Variants in RYR2 observed in about 807,000 individuals in gnomAD.
RYR2 encodes ryanodine receptor 2, also known as cardiac muscle ryanodine receptor-calcium release channel.
A neutral mutation model predicts 601.1 loss-of-function variants in RYR2; 227 were observed. The observed-to-expected ratio is 0.38, with a 90% CI of 0.34 to 0.42. The LOEUF is 0.42. RYR2 is among the 10% of genes least tolerant of loss of function. RYR2 has a pLI of 1.00. For synonymous variants in RYR2, 2,223 were observed against 2,175.1 expected, an observed-to-expected ratio of 1.02 and a Z score of -0.61; for missense variants, 4,646 against 6,156.5, an observed-to-expected ratio of 0.75 and a Z score of 8.21.
chr1:237,645,877 T>C (rs80121389), intron 48 of RYR2, among the ~76,000 whole-genome samples: 7,904 of 151,590 alleles, frequency 0.052, 703 homozygotes, highest in African/African-American at 0.18. Context: ...GCTTTTTTTT[T>C]TTTGCTTTTT....
intron 10 of RYR2, among the ~76,000 whole-genome samples, chr1:237,409,583 C>A (rs1411030599): frequency 6.6e-6 from 1 of 152,010 alleles, no homozygotes; most frequent in African/African-American, 2.4e-5. Context: ...TCTAGAAATA[C>A]CTGTTATGAC....
At chr1:237,646,120 G>A (rs1162878800) in intron 48 of RYR2, among the ~76,000 whole-genome samples, 2 of 152,020 alleles carry the variant, frequency 1.3e-5, no homozygotes, top group African/African-American at 4.8e-5. Context: ...CTCGTGATCG[G>A]CACATCTCGG....
intron 1 of RYR2, among the ~76,000 whole-genome samples, chr1:237,167,487 A>G (rs998771725): frequency 2.0e-5 from 3 of 152,152 alleles, no homozygotes; most frequent in African/African-American, 7.2e-5. Context: ...TTCGTTTGCA[A>G]TAACTTTTAG....
At chr1:237,071,693 G>A (rs1664351522) in intron 1 of RYR2, among the ~76,000 whole-genome samples, 1 of 152,196 alleles carries the variant, frequency 6.6e-6, no homozygotes, top group African/African-American at 2.4e-5. Context: ...GCTTGAAGGT[G>A]AGGCTTCACC....
At chr1:237,366,046 C>T (rs547576968) in intron 5 of RYR2, among the ~76,000 whole-genome samples, 79 of 152,298 alleles carry the variant, frequency 5.2e-4, no homozygotes, top group African/African-American at 1.8e-3. Flanking sequence ...ATTTAAGTCA[C>T]GTAAACAGAA....
intron 100 of RYR2, among the ~76,000 whole-genome samples, chr1:237,814,354 A>G (rs762603781): frequency 3.9e-5 from 6 of 152,146 alleles, no homozygotes; most frequent in African/African-American, 7.2e-5. Flanking sequence ...GGCGATGTCT[A>G]TATTCTCTCT....
At chr1:237,105,458 AG>A (rs898107282) in intron 1 of RYR2, among the ~76,000 whole-genome samples, 1 of 152,162 alleles carries the variant, frequency 6.6e-6, no homozygotes, top group African/African-American at 2.4e-5. Context: ...GCATTTTGGA[AG>A]GCCAAGACGG....
intron 1 of RYR2, among the ~76,000 whole-genome samples, chr1:237,130,841 A>G (rs1234516521): frequency 1.3e-5 from 2 of 152,176 alleles, no homozygotes; most frequent in East Asian, 3.8e-4. Flanking sequence ...TATATGATCA[A>G]TTTTTTTAGA....
intron 15 of RYR2, 118 bp downstream of exon 15, chr1:237,454,692 A>G (rs1658598397): frequency 2.2e-6 from 2 of 905,422 alleles, no homozygotes; most frequent in Admixed American, 4.4e-5. Context: ...TAGAGGAGAA[A>G]GTATACTACT....
chr1:237,197,692 G>A (rs1046223615), intron 1 of RYR2, among the ~76,000 whole-genome samples: 2 of 152,216 alleles, frequency 1.3e-5, no homozygotes, highest in African/African-American at 4.8e-5. Context: ...TGAAGAAGTG[G>A]TGAATGTCTG....
chr1:237,514,140 C>T (rs1018555475), intron 24 of RYR2, among the ~76,000 whole-genome samples: 9 of 152,196 alleles, frequency 5.9e-5, no homozygotes, highest in African/African-American at 2.2e-4. Context: ...TAATTCATAG[C>T]AGCTCATTAT....
chr1:237,096,060 A>G (rs933704106), intron 1 of RYR2, among the ~76,000 whole-genome samples: 1 of 152,182 alleles, frequency 6.6e-6, no homozygotes, highest in Non-Finnish European at 1.5e-5. Context: ...AAAATGATGA[A>G]GGTCATAGCC....
rs796473791 is a variant in RYR2, at chr1:237,498,778, CA to C, written c.2204-1924del. Among the ~76,000 whole-genome samples the C allele has an allele frequency of 1.9e-3, 287 of 151,192 alleles. 1 individual carries two copies. The highest frequency in any genetic ancestry group is 6.3e-3 in the African/African-American group (259 of 41,282). Reference sequence around the variant, plus strand: ...CTGTTCAGTAGAACAATAAGAACAACAAAAAAAAATTTAGTGAATCTGTGGA... The same window carrying C: ...CTGTTCAGTAGAACAATAAGAACAACAAAAAAAATTTAGTGAATCTGTGGA... On this transcript the variant is annotated intron_variant, in intron 20 of 104. Transcript: ENST00000366574.
rs747993648 is a variant in RYR2 at position 237,591,041 on chromosome 1, G to A, written c.4160+49G>A. 3.9e-6 allele frequency: 6 copies of A among 1,519,246 alleles called. No individual in the cohort carries two copies. The Middle Eastern group carries it at 5.3e-4, about 135-fold the overall frequency. The allele number at this position is 1,519,246 out of a possible 1,614,324, so 94.1% of individuals were successfully genotyped here. A position where few individuals can be genotyped will look rare whatever the true frequency, so the allele number is the denominator to read the frequency against. On this transcript the variant is annotated intron_variant, in intron 31 of 104. Transcript: ENST00000366574. ...TTTAAATTTGTAGTTATGTGAGGAA[G>A]GTTACAGTCCAGAGTAAAGGGTCTC...
chr1:237,577,856 G>A (rs543916481), intron 29 of RYR2, among the ~76,000 whole-genome samples: 1 of 152,300 alleles, frequency 6.6e-6, no homozygotes, highest in Admixed American at 6.5e-5. Context: ...AGGCTGGAGT[G>A]CAGTGGCACG....
At chr1:237,211,327 G>A (rs574481440) in intron 1 of RYR2, among the ~76,000 whole-genome samples, 1 of 152,340 alleles carries the variant, frequency 6.6e-6, no homozygotes, top group South Asian at 2.1e-4. Context: ...GTGCTCTGCA[G>A]TGATGGTACA....
Position 237,617,334 on chromosome 1 carries a change from A to T in RYR2, c.5764A>T (p.Ile1922Leu), listed in dbSNP as rs374874044. Reference sequence around the variant, plus strand: ...CTGTGACTGCCAGGTCCGGCACCGGATAGAAGCCATTGTAGCCTTTTCAGA... The same window carrying T: ...CTGTGACTGCCAGGTCCGGCACCGGTTAGAAGCCATTGTAGCCTTTTCAGA... ...YLCDCQVRHRIEAIVAFSDDF... is the reference protein window; with the variant it reads ...YLCDCQVRHRLEAIVAFSDDF... Residue 1922 changes from isoleucine (I) to leucine (L), a missense_variant, in exon 38 of 105, where the codon ATA becomes TTA. Physicochemically the swap from Ile to Leu is conservative, Grantham distance 5. This residue lies in a region of RYR2 where 1,807 missense variants were observed against 2,088.1 expected (regional missense o/e 0.87). Coordinates refer to ENST00000366574, the MANE Select transcript of RYR2 (RefSeq NM_001035.3). The T allele has an allele frequency of 1.2e-6, 2 of 1,613,860 alleles. No homozygotes were observed. The highest frequency in any genetic ancestry group is 4.5e-5 in the East Asian group (2 of 44,880).
intron 100 of RYR2, among the ~76,000 whole-genome samples, chr1:237,818,254 A>G (rs1403959619): frequency 6.6e-6 from 1 of 152,130 alleles, no homozygotes; most frequent in Non-Finnish European, 1.5e-5. Context: ...TATTGTCACT[A>G]TGAGGTAGGG....
At chr1:237,535,500 C>A (rs1023415854) in intron 25 of RYR2, among the ~76,000 whole-genome samples, 1 of 151,616 alleles carries the variant, frequency 6.6e-6, no homozygotes, top group Admixed American at 6.6e-5. Flanking sequence ...CACACACACA[C>A]ACACACACAC....
Sources: gnomAD v4.1 joint callset for allele counts (sites outside exome capture counted in the v4.1 genomes callset) on GRCh38, gnomAD v4.1.1 for gene constraint, gnomAD v4.1.1 regional missense constraint, MANE v1.5 for transcripts, NCBI Gene and HGNC (gene_info 2026-07-23, HGNC 2026-07-21) for gene names.